Variants in ATP10B observed in about 807,000 individuals in gnomAD.
The protein encoded by ATP10B is phospholipid-transporting ATPase VB.
ATP10B carries 122 observed loss-of-function variants against 141.2 expected under a neutral mutation model. That is an observed-to-expected ratio of 0.86 (90% CI 0.75 to 1.00). ATP10B has a LOEUF of 1.00. Among genes scored for constraint, ATP10B ranks in the 50% least tolerant of loss-of-function variants. ATP10B has a pLI of 0.00. For missense variants in ATP10B, 1,876 were observed against 1,825.3 expected, an observed-to-expected ratio of 1.03 and a Z score of -0.51; for synonymous variants, 685 against 692.0, an observed-to-expected ratio of 0.99 and a Z score of 0.16.
the ATP10B span, among the ~76,000 whole-genome samples, chr5:160,870,074 G>A: frequency 6.6e-6 from 1 of 152,094 alleles, no homozygotes; most frequent in Admixed American, 6.6e-5. Flanking sequence ...TGAATTAGGG[G>A]AAAGAAAATA....
At chr5:160,790,120 C>A (rs1561856393) in intron 1 of ATP10B, among the ~76,000 whole-genome samples, 1 of 152,154 alleles carries the variant, frequency 6.6e-6, no homozygotes, top group Non-Finnish European at 1.5e-5. Context: ...CATTGGCTGA[C>A]CTTTGCCTAG....
chr5:160,726,070 C>G (rs924697934), intron 2 of ATP10B, among the ~76,000 whole-genome samples: 4 of 152,034 alleles, frequency 2.6e-5, no homozygotes, highest in Non-Finnish European at 5.9e-5. Flanking sequence ...CAGAACAATT[C>G]TAGGAAGCAT....
intron 10 of ATP10B, among the ~76,000 whole-genome samples, chr5:160,637,772 T>C (rs901277233): frequency 9.9e-5 from 15 of 152,220 alleles, no homozygotes; most frequent in African/African-American, 3.4e-4. Flanking sequence ...ATAAAAGGCA[T>C]AGAGGATGTT....
chr5:160,831,741 T>C (rs899289671), intron 1 of ATP10B, among the ~76,000 whole-genome samples: 11 of 152,098 alleles, frequency 7.2e-5, no homozygotes, highest in African/African-American at 2.4e-4. Flanking sequence ...AGGGAAGAGA[T>C]TGAAGAAACA....
At chr5:160,643,190 T>C (rs1471772734) in intron 9 of ATP10B, among the ~76,000 whole-genome samples, 1 of 152,266 alleles carries the variant, frequency 6.6e-6, no homozygotes, top group Non-Finnish European at 1.5e-5. Context: ...GACCTGTTTT[T>C]CTTTGACAAT....
intron 2 of ATP10B, among the ~76,000 whole-genome samples, chr5:160,763,574 A>G (rs994885419): frequency 2.6e-5 from 4 of 152,182 alleles, no homozygotes; most frequent in African/African-American, 4.8e-5. Flanking sequence ...TGCTAAAAGG[A>G]AAGTTCATAA....
intron 7 of ATP10B, among the ~76,000 whole-genome samples, chr5:160,668,223 G>A (rs1762442704): frequency 2.2e-5 from 1 of 46,112 alleles, no homozygotes. Context: ...GAGCGAGACT[G>A]TCCAAAAAAA....
chr5:160,860,965 A>AT, the ATP10B span, among the ~76,000 whole-genome samples: 3 of 151,960 alleles, frequency 2.0e-5, no homozygotes, highest in Non-Finnish European at 2.9e-5. Flanking sequence ...AAACTGCTTC[A>AT]GTAGGTCATA....
Position 160,622,565 on chromosome 5 carries a change from A to T in ATP10B, c.1641T>A (p.Asp547Glu). 1 of 1,612,066 alleles carries T rather than the reference A, an allele frequency of 6.2e-7. No individual in the cohort carries two copies. ...CTCGAACCTTGGTCAGTAGGTTTTTATCTGGAGTTACATCTTTTTCCTGGA... is the reference window on the plus strand; with the variant it reads ...CTCGAACCTTGGTCAGTAGGTTTTTTTCTGGAGTTACATCTTTTTCCTGGA... The part of the protein sequence containing the change: ...SSSIEKDVTP[D>E]KNLLTKVRDA... Residue 547 changes from aspartate (D) to glutamate (E), a missense_variant, in exon 14 of 26, where the codon GAT (aspartate) becomes GAA (glutamate). Physicochemically the swap from Asp to Glu is conservative, Grantham distance 45. Coordinates refer to ENST00000327245, the MANE Select transcript of ATP10B (RefSeq NM_025153.3).
At chr5:160,689,272 T>A (rs950551469) in intron 3 of ATP10B, among the ~76,000 whole-genome samples, 2 of 152,140 alleles carry the variant, frequency 1.3e-5, no homozygotes, top group African/African-American at 4.8e-5. Flanking sequence ...ACCAATATCA[T>A]ACTGAATGGA....
At chr5:160,691,376 G>C (rs992769998) in intron 3 of ATP10B, among the ~76,000 whole-genome samples, 1 of 151,850 alleles carries the variant, frequency 6.6e-6, no homozygotes, top group African/African-American at 2.4e-5. Flanking sequence ...AAAAAATGCT[G>C]CTTTACCTAG....
At chr5:160,653,671 ATTATATATAC>A (rs1761173735) in intron 7 of ATP10B, among the ~76,000 whole-genome samples, 1 of 47,560 alleles carries the variant, frequency 2.1e-5, no homozygotes, top group Non-Finnish European at 4.8e-5. Context: ...ATACATATAT[ATTATATATAC>A]ATATATACAT....
the ATP10B span, among the ~76,000 whole-genome samples, chr5:160,861,019 C>T: frequency 6.6e-6 from 1 of 151,856 alleles, no homozygotes; most frequent in Admixed American, 6.6e-5. Context: ...TAACTTCTAT[C>T]TTAAAAGATT....
intron 24 of ATP10B, among the ~76,000 whole-genome samples, chr5:160,586,743 T>C (rs886547518): frequency 8.5e-5 from 13 of 152,242 alleles, no homozygotes; most frequent in African/African-American, 3.1e-4. Flanking sequence ...GAGCTTTTTT[T>C]CATGTTTGTT....
intron 3 of ATP10B, among the ~76,000 whole-genome samples, chr5:160,702,976 A>G (rs1764764038): frequency 6.6e-6 from 1 of 152,142 alleles, no homozygotes; most frequent in South Asian, 2.1e-4. Context: ...AAATGACTTG[A>G]TATTTGCATA....
At chr5:160,872,471 G>C in the ATP10B span, among the ~76,000 whole-genome samples, 3 of 152,102 alleles carry the variant, frequency 2.0e-5, no homozygotes, top group East Asian at 1.9e-4. Flanking sequence ...GTCTAGAAAG[G>C]CTTTTCCAAT....
In ATP10B at chr5:160,617,986, C is replaced by G. The variant is rs1222244469; in HGVS notation, c.2417-13G>C. On this transcript the variant is annotated splice_polypyrimidine_tract_variant and intron_variant, in intron 15 of 25. Coordinates refer to ENST00000327245, the MANE Select transcript of ATP10B (RefSeq NM_025153.3). ...TTAATGTCAGGTACTGTCAAATAGCCATTTTCCCGCATGAGGCCACATACA... is the reference window on the plus strand; with the variant it reads ...TTAATGTCAGGTACTGTCAAATAGCGATTTTCCCGCATGAGGCCACATACA... 1.9e-6 allele frequency: 3 copies of G among 1,599,736 alleles called. No individual in the cohort carries two copies. The highest frequency in any genetic ancestry group is 1.3e-5 in the African/African-American group (1 of 74,546).
At chr5:160,734,956 G>T (rs1003455315) in intron 2 of ATP10B, among the ~76,000 whole-genome samples, 2 of 151,828 alleles carry the variant, frequency 1.3e-5, no homozygotes, top group African/African-American at 4.8e-5. Flanking sequence ...GATGGTATTT[G>T]TAAGCCTCAT....
At chr5:160,801,774 C>A (rs545813916) in intron 1 of ATP10B, among the ~76,000 whole-genome samples, 9 of 152,286 alleles carry the variant, frequency 5.9e-5, no homozygotes, top group African/African-American at 2.2e-4. Context: ...GTTAATGAGA[C>A]AGAATCGAAA....
Sources: gnomAD v4.1 joint callset for allele counts (sites outside exome capture counted in the v4.1 genomes callset) on GRCh38, gnomAD v4.1.1 for gene constraint, MANE v1.5 for transcripts, NCBI Gene and HGNC (gene_info 2026-07-23, HGNC 2026-07-21) for gene names.